LRRC61: variants seen among roughly 807,000 people sequenced by gnomAD.
The protein encoded by LRRC61 is leucine rich repeat containing 61.
Under a neutral mutation model 15.1 loss-of-function variants are expected in LRRC61, and 9 were observed. That is an observed-to-expected ratio of 0.60 (90% CI 0.36 to 1.04). The LOEUF (loss-of-function observed/expected upper bound fraction) is 1.04. Ranked by LOEUF, LRRC61 falls within the 50% of genes least tolerant of loss-of-function variation. The pLI is 0.01. For missense variants in LRRC61, 344 were observed against 335.6 expected (o/e 1.03, Z -0.20); for synonymous variants, 173 against 158.6 (o/e 1.09, Z -0.68).
At chr7:150,322,338 T>A (rs144887113), upstream of LRRC61, among the ~76,000 whole-genome samples, 695 of 152,340 alleles carry the variant, frequency 4.6e-3, 2 homozygotes, top group Middle Eastern at 0.02. Context: ...AAGATACAGG[T>A]CATACAGACC....
At chr7:150,321,253 T>C (rs568010166), upstream of LRRC61, among the ~76,000 whole-genome samples, 1 of 152,358 alleles carries the variant, frequency 6.6e-6, no homozygotes, top group South Asian at 2.1e-4. Flanking sequence ...CCTGATTTTT[T>C]TGCCCCTATT....
At chr7:150,326,471 C>G (rs1424391095) in intron 2 of LRRC61, among the ~76,000 whole-genome samples, 3 of 151,842 alleles carry the variant, frequency 2.0e-5, no homozygotes, top group Admixed American at 2.0e-4. Flanking sequence ...TTGCTTGATC[C>G]CAGGAGTTCA....
Position 150,335,141 on chromosome 7 carries a change from T to G in LRRC61, c.-144-1577T>G, listed in dbSNP as rs1159779331. Among the ~76,000 whole-genome samples the G allele has an allele frequency of 6.6e-6, 1 of 151,620 alleles. No homozygotes were observed. The highest frequency in any genetic ancestry group is 1.5e-5 in the Non-Finnish European group (1 of 67,744). On this transcript the variant is annotated intron_variant, in intron 2 of 2. Coordinates refer to ENST00000359623, the MANE Select transcript of LRRC61 (RefSeq NM_001142928.2). This position sits in a 1 kb window ranked among gnomAD's most constrained non-coding sequence, Gnocchi z 4.3. ...TCCTCCCCATTGCTTCCTGCCCTCC[T>G]TAGGGCCTGTATCTTTTGTTTTCAC...
chr7:150,316,363 T>C, the LRRC61 span, among the ~76,000 whole-genome samples: 2 of 152,222 alleles, frequency 1.3e-5, no homozygotes, highest in African/African-American at 4.8e-5. Context: ...GTAGTAGCTT[T>C]AAATATATGT....
At chr7:150,311,347 G>C in the LRRC61 span, among the ~76,000 whole-genome samples, 2 of 152,140 alleles carry the variant, frequency 1.3e-5, no homozygotes, top group African/African-American at 2.4e-5. Flanking sequence ...ACAGTTCTAG[G>C]CTGGCCCTCA....
At chr7:150,312,114 G>A in the LRRC61 span, among the ~76,000 whole-genome samples, 1 of 152,122 alleles carries the variant, frequency 6.6e-6, no homozygotes, top group East Asian at 1.9e-4. Flanking sequence ...AATAGCCAAG[G>A]AAATAACCAA....
At chr7:150,315,490 G>C in the LRRC61 span, among the ~76,000 whole-genome samples, 2 of 152,138 alleles carry the variant, frequency 1.3e-5, no homozygotes, top group African/African-American at 4.8e-5. Context: ...AACATGCTCA[G>C]GATGGAAGAA....
upstream of LRRC61, among the ~76,000 whole-genome samples, chr7:150,320,003 C>T (rs575201228): frequency 3.9e-5 from 6 of 152,340 alleles, no homozygotes; most frequent in South Asian, 1.2e-3. Flanking sequence ...GCCAATCCAT[C>T]CCTGACTGGT....
chr7:150,319,854 G>A (rs571476608), upstream of LRRC61, among the ~76,000 whole-genome samples: 11 of 152,264 alleles, frequency 7.2e-5, no homozygotes, highest in Middle Eastern at 6.8e-3. Flanking sequence ...TCTAGGGGCA[G>A]GAGCCAGTCC....
At chr7:150,329,478 C>T (rs11765692) in intron 2 of LRRC61, among the ~76,000 whole-genome samples, 43,120 of 151,990 alleles carry the variant, frequency 0.28, 6,346 homozygotes, top group East Asian at 0.42. Context: ...AGGTCTGCAG[C>T]GGTCCCCCAG....
In LRRC61 at chr7:150,330,378, C is replaced by T. The variant is rs748889533; in HGVS notation, c.-145+4368C>T. ...CACATTCTGGAGCCCGGCAGACAGC[C>T]TCAGCAAGCTCCTGTAGCCCTTCCA... On this transcript the variant is annotated intron_variant, in intron 2 of 2. Transcript: ENST00000359623. The surrounding 1 kb of genome is among the most constrained non-coding windows in gnomAD (Gnocchi z 4.6). 3.9e-6 allele frequency: 3 copies of T among 763,854 alleles called. No homozygotes were observed. The South Asian group carries it at 4.0e-5, about 10-fold the overall frequency. The allele number at this position is 763,854 out of a possible 1,614,324, so 47.3% of individuals were successfully genotyped here.
At chr7:150,323,033 G>C (rs1402171229), upstream of LRRC61, 1 of 152,708 alleles carries the variant, frequency 6.5e-6, no homozygotes, top group Non-Finnish European at 1.5e-5. Flanking sequence ...AGGAAATCTA[G>C]GCCGCCATCC....
upstream of LRRC61, among the ~76,000 whole-genome samples, chr7:150,320,254 G>C (rs1002539645): frequency 1.3e-5 from 2 of 152,160 alleles, no homozygotes; most frequent in African/African-American, 4.8e-5. Context: ...ATTAGAGTAG[G>C]GTATCCTCAG....
At chr7:150,332,110 C>T (rs981470901) in intron 2 of LRRC61, 2 of 167,134 alleles carry the variant, frequency 1.2e-5, no homozygotes, top group African/African-American at 4.8e-5. Context: ...TCACCCTTGC[C>T]CCTGCTTGTC....
At position 150,330,110 on chromosome 7, in the gene LRRC61, C is replaced by T; in HGVS notation, c.-145+4100C>T. 4.3e-6 allele frequency: 2 copies of T among 468,520 alleles called. No homozygotes were observed. The highest frequency in any genetic ancestry group is 5.3e-5 in the South Asian group (2 of 38,034). The allele number at this position is 468,520 out of a possible 1,614,324, so 29.0% of individuals were successfully genotyped here. On this transcript the variant is annotated intron_variant, in intron 2 of 2. Coordinates refer to ENST00000359623, the MANE Select transcript of LRRC61 (RefSeq NM_001142928.2). The surrounding 1 kb of genome is among the most constrained non-coding windows in gnomAD (Gnocchi z 4.6). ...ACTTTCTGTGTCACCCTCACAGTGT[C>T]CAGATCATCCTGGGCACTGCCAGGG...
upstream of LRRC61, among the ~76,000 whole-genome samples, chr7:150,322,288 T>C (rs73170177): frequency 0.015 from 2,243 of 152,304 alleles, 28 homozygotes; most frequent in Non-Finnish European, 0.022. Context: ...CATAGGAGGT[T>C]AGGCATTCTA....
chr7:150,318,125 G>A, the LRRC61 span, among the ~76,000 whole-genome samples: 22 of 152,310 alleles, frequency 1.4e-4, 1 homozygote, highest in South Asian at 4.4e-3. Context: ...AGAATAGAGT[G>A]AGGCTAAAGC....
chr7:150,322,945 TC>T (rs1024421915), upstream of LRRC61: 4 of 152,262 alleles, frequency 2.6e-5, no homozygotes, highest in African/African-American at 9.7e-5. Flanking sequence ...GCGGACGAGG[TC>T]CGGGTCGCAC....
chr7:150,326,275 T>C (rs1797961478), intron 2 of LRRC61, among the ~76,000 whole-genome samples: 1 of 152,244 alleles, frequency 6.6e-6, no homozygotes, highest in Admixed American at 6.5e-5. Flanking sequence ...TTCTGTTAAA[T>C]GATTGAGTGA....
Sources: allele counts gnomAD v4.1 joint callset (sites outside exome capture counted in the v4.1 genomes callset), GRCh38; gene constraint gnomAD v4.1.1; non-coding constraint Gnocchi (gnomAD v3.1); transcripts MANE v1.5; gene names NCBI Gene and HGNC (gene_info 2026-07-23, HGNC 2026-07-21).